RNF180: variants seen among roughly 807,000 people sequenced by gnomAD.
RNF180 encodes ring finger protein 180.
In RNF180, 38 loss-of-function variants were observed where a neutral mutation model predicts 59.2. The observed-to-expected ratio is 0.64, with a 90% CI of 0.50 to 0.84. RNF180 has a LOEUF of 0.84. Among genes scored for constraint, RNF180 ranks in the 40% least tolerant of loss-of-function variants. The probability of loss-of-function intolerance (pLI) is 0.00; values close to 1 mark genes in which losing one functional copy is unlikely to be tolerated. For missense variants in RNF180, 705 were observed against 700.9 expected, an observed-to-expected ratio of 1.01 and a Z score of -0.07; for synonymous variants, 262 against 240.3, an observed-to-expected ratio of 1.09 and a Z score of -0.84.
At chr5:64,183,944 C>T (rs1056002917) in intron 1 of RNF180, among the ~76,000 whole-genome samples, 3 of 152,160 alleles carry the variant, frequency 2.0e-5, no homozygotes, top group Non-Finnish European at 4.4e-5. Context: ...CTAGTACCTC[C>T]GAACATGGCT....
chr5:64,367,183 C>T (rs1746484647), intron 7 of RNF180, among the ~76,000 whole-genome samples: 1 of 151,518 alleles, frequency 6.6e-6, no homozygotes, highest in African/African-American at 2.4e-5. Flanking sequence ...TGGAATTCAT[C>T]ACCACCAGAC....
At chr5:64,173,137 A>G (rs1368579987) in intron 1 of RNF180, among the ~76,000 whole-genome samples, 1 of 152,240 alleles carries the variant, frequency 6.6e-6, no homozygotes, top group Non-Finnish European at 1.5e-5. Context: ...TTGATACAGT[A>G]TATATTAACC....
chr5:64,260,395 G>T (rs1487800214), intron 5 of RNF180, among the ~76,000 whole-genome samples: 1 of 152,082 alleles, frequency 6.6e-6, no homozygotes, highest in African/African-American at 2.4e-5. Context: ...ATTTGTAAAA[G>T]AATAGTCTTT....
chr5:64,248,013 A>C (rs1373155275), intron 5 of RNF180, among the ~76,000 whole-genome samples: 2 of 152,376 alleles, frequency 1.3e-5, no homozygotes, highest in East Asian at 3.9e-4. Context: ...TGGGGAAAGA[A>C]TTCCTCATTT....
chr5:64,219,119 T>G (rs1752777669), intron 5 of RNF180, among the ~76,000 whole-genome samples: 1 of 152,204 alleles, frequency 6.6e-6, no homozygotes, highest in Non-Finnish European at 1.5e-5. Context: ...TAATGTCAGT[T>G]GTATGCTCTT....
intron 1 of RNF180, among the ~76,000 whole-genome samples, chr5:64,183,695 G>A (rs1750731355): frequency 2.6e-5 from 4 of 152,048 alleles, no homozygotes; most frequent in South Asian, 2.1e-4. Context: ...TGATCTGCCC[G>A]CCTTGGCCGC....
chr5:64,288,504 G>T (rs530665980), intron 5 of RNF180, among the ~76,000 whole-genome samples: 1 of 152,246 alleles, frequency 6.6e-6, no homozygotes, highest in Admixed American at 6.5e-5. Context: ...CCATTTTCAC[G>T]ATATGATTCT....
chr5:64,362,776 G>A (rs775150612), intron 7 of RNF180, among the ~76,000 whole-genome samples: 1 of 151,790 alleles, frequency 6.6e-6, no homozygotes, highest in South Asian at 2.1e-4. Context: ...TTCAATAATA[G>A]CCATTCTGAC....
chr5:64,184,187 T>G (rs1182002314), intron 1 of RNF180, among the ~76,000 whole-genome samples: 4 of 152,126 alleles, frequency 2.6e-5, no homozygotes, highest in Admixed American at 2.0e-4. Flanking sequence ...GATGTCTTGA[T>G]TTTTGGCTTC....
intron 5 of RNF180, among the ~76,000 whole-genome samples, chr5:64,295,040 T>C (rs1234673635): frequency 6.6e-6 from 1 of 152,228 alleles, no homozygotes; most frequent in African/African-American, 2.4e-5. Flanking sequence ...GTAATCTTTG[T>C]GTAAGGTTTT....
rs373363351 is a variant in RNF180, at chr5:64,212,115, G to A, written c.186G>A (p.Met62Ile). The change falls in exon 3 of 8, where the codon ATG (methionine) becomes ATA (isoleucine). Residue 62 changes from methionine (M) to isoleucine (I), a missense_variant. By Grantham distance (10) the Met-to-Ile change is conservative. Coordinates refer to ENST00000389100, the MANE Select transcript of RNF180 (RefSeq NM_001113561.2). ...DAQNICHVWH[M>I]NVEALPEWIS... ...AAAATATTTGTCATGTGTGGCACAT[G>A]AATGTAGAAGCCCTTCCAGAATGGA... 6.2e-6 allele frequency: 10 copies of A among 1,608,050 alleles called. No homozygotes were observed. The highest frequency in any genetic ancestry group is 6.8e-6 in the Non-Finnish European group (8 of 1,174,828).
At chr5:64,175,653 T>C (rs2111903900) in intron 1 of RNF180, among the ~76,000 whole-genome samples, 1 of 152,244 alleles carries the variant, frequency 6.6e-6, no homozygotes, top group East Asian at 1.9e-4. Flanking sequence ...CTTTGAAAAA[T>C]GTCATTGGTA....
intron 5 of RNF180, among the ~76,000 whole-genome samples, chr5:64,323,574 A>G (rs767514621): frequency 2.0e-4 from 31 of 152,224 alleles, no homozygotes; most frequent in Admixed American, 3.3e-4. Context: ...TAATAACAGT[A>G]AACACTTATA....
intron 7 of RNF180, among the ~76,000 whole-genome samples, chr5:64,353,080 TAA>T (rs1336156933): frequency 6.6e-6 from 1 of 151,852 alleles, no homozygotes; most frequent in Non-Finnish European, 1.5e-5. Flanking sequence ...AGGTTAAATT[TAA>T]AAGTTAAAAT....
intron 5 of RNF180, among the ~76,000 whole-genome samples, chr5:64,305,163 C>G (rs1743372981): frequency 6.6e-6 from 1 of 151,610 alleles, no homozygotes; most frequent in Non-Finnish European, 1.5e-5. Flanking sequence ...ATGTGTGTGT[C>G]TTGCTTTATT....
In RNF180 at chr5:64,187,292, CT is replaced by C. The variant is rs34661874; in HGVS notation, c.1-13511del. 3.9e-5 allele frequency among the ~76,000 whole-genome samples: 6 copies of C among 152,136 alleles called. No homozygotes were observed. In the East Asian group the frequency reaches 1.2e-3, roughly 29 times the overall value. On this transcript the variant is annotated intron_variant, in intron 1 of 7. Coordinates refer to ENST00000389100, the MANE Select transcript of RNF180 (RefSeq NM_001113561.2). ...CAAGTACAATGACAAATTCATACTA[CT>C]TTTTGTCATTAAGGTTGTTTATTAT...
intron 5 of RNF180, among the ~76,000 whole-genome samples, chr5:64,278,162 G>T (rs1325787308): frequency 6.6e-6 from 1 of 152,140 alleles, no homozygotes; most frequent in Admixed American, 6.6e-5. Flanking sequence ...GTGTCGAAAT[G>T]GCATGTGAAA....
intron 7 of RNF180, among the ~76,000 whole-genome samples, chr5:64,343,112 A>G (rs1745422593): frequency 6.6e-6 from 1 of 152,146 alleles, no homozygotes; most frequent in Admixed American, 6.6e-5. Context: ...GCAAAAGGTT[A>G]GGAAAATGTG....
chr5:64,270,598 C>T (rs1360685889), intron 5 of RNF180, among the ~76,000 whole-genome samples: 2 of 152,076 alleles, frequency 1.3e-5, no homozygotes, highest in African/African-American at 4.8e-5. Context: ...CTGATAAGTA[C>T]ATTGAGACTC....
Sources: allele counts gnomAD v4.1 joint callset (sites outside exome capture counted in the v4.1 genomes callset), GRCh38; gene constraint gnomAD v4.1.1; transcripts MANE v1.5; gene names NCBI Gene and HGNC (gene_info 2026-07-23, HGNC 2026-07-21).